The following NRG3 variants were observed in gnomAD, a reference collection of about 807,000 sequenced individuals.
The protein encoded by NRG3 is neuregulin 3, also known as pro-neuregulin-3, membrane-bound isoform.
In NRG3, 31 loss-of-function variants were observed where a neutral mutation model predicts 66.9. That is an observed-to-expected ratio of 0.46 (90% confidence interval 0.35 to 0.63). The LOEUF is 0.63. NRG3 is among the 20% of genes least tolerant of loss of function. The probability of loss-of-function intolerance (pLI) is 0.00; values close to 1 mark genes in which losing one functional copy is unlikely to be tolerated. For missense variants in NRG3, 910 were observed against 878.9 expected, an observed-to-expected ratio of 1.04 and a Z score of -0.45; for synonymous variants, 393 against 359.4, an observed-to-expected ratio of 1.09 and a Z score of -1.06.
At chr10:82,022,722 T>A (rs1013146352) in intron 1 of NRG3, among the ~76,000 whole-genome samples, 1 of 152,006 alleles carries the variant, frequency 6.6e-6, no homozygotes, top group East Asian at 1.9e-4. Context: ...CTGTGGTCAA[T>A]GAGCACTTGA....
At chr10:82,718,818 A>G (rs2057126057) in intron 2 of NRG3, among the ~76,000 whole-genome samples, 1 of 152,216 alleles carries the variant, frequency 6.6e-6, no homozygotes, top group African/African-American at 2.4e-5. Context: ...TTTCTAAAGT[A>G]CTAATTATAA....
chr10:82,366,207 A>G (rs1227216502), intron 2 of NRG3, among the ~76,000 whole-genome samples: 4 of 152,234 alleles, frequency 2.6e-5, no homozygotes, highest in Non-Finnish European at 4.4e-5. Context: ...TGAAAGCAAC[A>G]TATAGAAAAC....
At chr10:82,551,818 A>G (rs756838053) in intron 2 of NRG3, among the ~76,000 whole-genome samples, 9 of 152,044 alleles carry the variant, frequency 5.9e-5, no homozygotes, top group Non-Finnish European at 1.3e-4. Flanking sequence ...TGCTGCCTTA[A>G]TACTTTTATA....
At chr10:82,678,437 A>G (rs1012680429) in intron 2 of NRG3, among the ~76,000 whole-genome samples, 1 of 152,174 alleles carries the variant, frequency 6.6e-6, no homozygotes, top group Non-Finnish European at 1.5e-5. Context: ...TGAGCCAGGA[A>G]AAGGAATTTC....
chr10:82,137,309 C>G (rs974905587), intron 1 of NRG3, among the ~76,000 whole-genome samples: 1 of 152,078 alleles, frequency 6.6e-6, no homozygotes, highest in Non-Finnish European at 1.5e-5. Flanking sequence ...TGTTGTGAGA[C>G]GATAAAAATG....
chr10:82,315,743 G>A (rs2081260135), intron 1 of NRG3, among the ~76,000 whole-genome samples: 1 of 149,298 alleles, frequency 6.7e-6, no homozygotes, highest in African/African-American at 2.5e-5. Context: ...TCGGCTCGCT[G>A]CAACCTCCGT....
chr10:82,861,707 A>G (rs2064138306), intron 3 of NRG3, among the ~76,000 whole-genome samples: 1 of 152,170 alleles, frequency 6.6e-6, no homozygotes, highest in South Asian at 2.1e-4. Flanking sequence ...ATTCTGAGCC[A>G]TCTCAGCTGC....
intron 2 of NRG3, among the ~76,000 whole-genome samples, chr10:82,419,971 A>C (rs1390363727): frequency 1.3e-5 from 2 of 152,200 alleles, no homozygotes; most frequent in African/African-American, 4.8e-5. Flanking sequence ...TCCTCTAGGA[A>C]GGTGTGATCC....
At chr10:82,201,386 G>T (rs1347005149) in intron 1 of NRG3, among the ~76,000 whole-genome samples, 1 of 151,994 alleles carries the variant, frequency 6.6e-6, no homozygotes, top group Non-Finnish European at 1.5e-5. Flanking sequence ...TGTCTCATAA[G>T]GGGTTACATA....
rs114524232 is a variant in NRG3, at chr10:82,080,880, A to G, written c.823+204717A>G. Among the ~76,000 whole-genome samples, 657 of 152,278 alleles carry G rather than the reference A, an allele frequency of 4.3e-3. 2 individuals are homozygous for G. Among genetic ancestry groups the G allele is most frequent in the Middle Eastern group, 0.017 (5 of 294 alleles). ...CATCAACAAAATCTCTATCCATTAA[A>G]CAATAAGTCCCTCTTCTTTCTTCCT... On this transcript the variant is annotated intron_variant, in intron 1 of 8. Transcript: ENST00000372141.
rs762406737 is a variant in NRG3, at chr10:82,293,020, C to T, written c.824-65719C>T. On this transcript the variant is annotated intron_variant, in intron 1 of 8. Coordinates refer to ENST00000372141, the MANE Select transcript of NRG3 (RefSeq NM_001010848.4). ...CATGGGATCAGTCTATTATTTCTTG[C>T]GGCTGCATGTCAATCTGCAATTATC... is the stretch of plus-strand genomic sequence containing the variant. Among the ~76,000 whole-genome samples the T allele has an allele frequency of 1.5e-3, 233 of 152,206 alleles. 3 individuals carry two copies. Among genetic ancestry groups the T allele is most frequent in the Non-Finnish European group, 6.8e-4 (46 of 68,004 alleles).
intron 2 of NRG3, among the ~76,000 whole-genome samples, chr10:82,716,623 C>T (rs1183315637): frequency 1.3e-5 from 2 of 152,092 alleles, no homozygotes; most frequent in Admixed American, 6.6e-5. Context: ...TTTGTCCAAA[C>T]CAAAATGAGG....
intron 2 of NRG3, among the ~76,000 whole-genome samples, chr10:82,632,584 C>G (rs747183431): frequency 1.3e-5 from 2 of 152,166 alleles, no homozygotes; most frequent in Non-Finnish European, 2.9e-5. Flanking sequence ...TCATTTTCTC[C>G]TGTGTGTTTT....
At position 81,980,310 on chromosome 10, in the gene NRG3, A is replaced by G. The variant is rs2060286989; in HGVS notation, c.823+104147A>G. ...AATTATTACATGTGTAAATTTGGGC[A>G]AGTTAGCTAACTTTAGAAACAGTCG... On this transcript the variant is annotated intron_variant, in intron 1 of 8. Transcript: ENST00000372141. 1.3e-5 allele frequency among the ~76,000 whole-genome samples: 2 copies of G among 152,134 alleles called. 1 individual carries two copies. Among genetic ancestry groups the G allele is most frequent in the South Asian group, 4.1e-4 (2 of 4,832 alleles).
At chr10:82,822,815 G>A (rs2062011199) in intron 3 of NRG3, among the ~76,000 whole-genome samples, 1 of 151,978 alleles carries the variant, frequency 6.6e-6, no homozygotes, top group Admixed American at 6.6e-5. Flanking sequence ...CCAGACAACT[G>A]AAGCTATCTT....
At chr10:82,298,622 T>C (rs986088831) in intron 1 of NRG3, among the ~76,000 whole-genome samples, 5 of 152,072 alleles carry the variant, frequency 3.3e-5, no homozygotes, top group Admixed American at 1.3e-4. Context: ...CAGTCATCAT[T>C]AGATTATGCA....
chr10:82,447,352 G>A (rs952146905), intron 2 of NRG3, among the ~76,000 whole-genome samples: 2 of 152,178 alleles, frequency 1.3e-5, no homozygotes, highest in African/African-American at 4.8e-5. Context: ...TGGGAGCTGA[G>A]GCAGGAGGAT....
intron 1 of NRG3, among the ~76,000 whole-genome samples, chr10:82,074,127 A>C (rs1364579059): frequency 6.6e-6 from 1 of 151,374 alleles, no homozygotes; most frequent in Non-Finnish European, 1.5e-5. Flanking sequence ...GGCTGCTGTC[A>C]GTTAGGGTGC....
intron 2 of NRG3, among the ~76,000 whole-genome samples, chr10:82,589,930 G>T (rs922300275): frequency 6.6e-6 from 1 of 152,132 alleles, no homozygotes; most frequent in Non-Finnish European, 1.5e-5. Context: ...GAAATGTTTA[G>T]GATGTATAAT....
Sources: gnomAD v4.1 joint callset for allele counts (sites outside exome capture counted in the v4.1 genomes callset) on GRCh38, gnomAD v4.1.1 for gene constraint, MANE v1.5 for transcripts, NCBI Gene and HGNC (gene_info 2026-07-23, HGNC 2026-07-21) for gene names.